The following ANAPC5 variants were observed in gnomAD, a reference collection of about 807,000 sequenced individuals.
ANAPC5 encodes the protein anaphase-promoting complex subunit 5.
In ANAPC5, 60 loss-of-function variants were observed where a neutral mutation model predicts 91.3. The ratio of observed to expected loss-of-function variants is 0.66; its 90% CI spans 0.53 to 0.81. The LOEUF is 0.81. ANAPC5 is among the 40% of genes least tolerant of loss of function. The pLI is 0.00. For synonymous variants in ANAPC5, 340 were observed against 364.1 expected, an observed-to-expected ratio of 0.93 and a Z score of 0.75; for missense variants, 690 against 931.5, an observed-to-expected ratio of 0.74 and a Z score of 3.37.
intron 3 of ANAPC5, chr12:121,346,593 C>T: frequency 3.8e-6 from 1 of 261,532 alleles, no homozygotes; most frequent in Middle Eastern, 1.1e-3. Flanking sequence ...GGCTGGTGAC[C>T]CTCACTTACA....
chr12:121,327,168 C>A lies in ANAPC5; in HGVS notation c.1368G>T (p.Ala456=). ...LSMNSLEAVN[A]GVQQNNTESF... Reference sequence around the variant, plus strand: ...ACTCTGTGTTGTTCTGCTGCACGCCCGCATTCACCGCCTCCAGGCTGTTCA... The same window carrying A: ...ACTCTGTGTTGTTCTGCTGCACGCCAGCATTCACCGCCTCCAGGCTGTTCA... Residue 456 remains alanine, a synonymous_variant, in exon 11 of 17, where the codon GCG becomes GCT. Transcript: ENST00000261819. 1 of 1,613,522 alleles carries A rather than the reference C, an allele frequency of 6.2e-7. No individual in the cohort carries two copies. The highest frequency in any genetic ancestry group is 8.5e-7 in the Non-Finnish European group (1 of 1,179,968).
rs1903928798 is a variant in ANAPC5, at chr12:121,352,346, C to T, written c.-6G>A. On this transcript the variant is annotated 5_prime_UTR_variant, in exon 1 of 17. Coordinates refer to ENST00000261819, the MANE Select transcript of ANAPC5 (RefSeq NM_016237.5). ...CTCTCGTGGACGCTGGCCATGGCGG[C>T]CCGAGACTAAGTCTCGGGCCCGCGG... The T allele has an allele frequency of 6.3e-7, 1 of 1,594,012 alleles. No individual in the cohort carries two copies. Among genetic ancestry groups the T allele is most frequent in the Non-Finnish European group, 8.6e-7 (1 of 1,166,224 alleles).
intron 1 of ANAPC5, chr12:121,350,985 C>T (rs1368022471): frequency 2.6e-6 from 1 of 387,682 alleles, no homozygotes; most frequent in Non-Finnish European, 5.1e-6. Flanking sequence ...GTAACAGTTT[C>T]TACTATTGTT....
Position 121,331,309 on chromosome 12 carries a change from C to G in ANAPC5, c.1032+38G>C. 1.9e-6 allele frequency: 3 copies of G among 1,549,518 alleles called. No individual in the cohort carries two copies. In the South Asian group the frequency reaches 3.5e-5, roughly 18 times the overall value. On this transcript the variant is annotated intron_variant, in intron 8 of 16. Transcript: ENST00000261819. ...GGGGCCTTGTGAAGGCCAATTCAAC[C>G]CGTGAACAAAACTCCCAAGACCAGA...
chr12:121,340,514 C>A (rs182891017), intron 5 of ANAPC5, among the ~76,000 whole-genome samples: 35 of 151,852 alleles, frequency 2.3e-4, no homozygotes, highest in African/African-American at 8.0e-4. Flanking sequence ...GTTTGAAATT[C>A]ATCTGCAGAG....
intron 5 of ANAPC5, among the ~76,000 whole-genome samples, chr12:121,339,907 G>A (rs1210815405): frequency 1.6e-5 from 2 of 123,668 alleles, no homozygotes; most frequent in East Asian, 2.2e-4. Flanking sequence ...ATGGAGTGTC[G>A]TTCTTGTGGC....
At chr12:121,310,933 C>CAAAA (rs35742192) in intron 15 of ANAPC5, among the ~76,000 whole-genome samples, 30 of 61,058 alleles carry the variant, frequency 4.9e-4, no homozygotes, top group African/African-American at 8.7e-4. Flanking sequence ...GACTCCATCT[C>CAAAA]AAAAAAAAAA....
chr12:121,346,018 A>G lies in ANAPC5; in HGVS notation c.411T>C (p.Arg137=), dbSNP rs782352375. 35 of 1,604,574 alleles carry G rather than the reference A, an allele frequency of 2.2e-5. No individual in the cohort carries two copies. The highest frequency in any genetic ancestry group is 2.6e-5 in the Non-Finnish European group (31 of 1,176,810). Residue 137 remains arginine (R), a synonymous_variant, in exon 4 of 17, where the codon CGT becomes CGC. Transcript: ENST00000261819. ...GCTTACTGTAGGCCAAGATCATGTG[A>G]CGCAGAAACAAACCTACAAAATAAG... is the stretch of plus-strand genomic sequence containing the variant. ...HKTSVVGLFL[R]HMILAYSKLS... is the part of the protein sequence containing the mutation.
chr12:121,345,787 G>A (rs1903644201), intron 4 of ANAPC5, 52 bp downstream of exon 4: 4 of 1,542,310 alleles, frequency 2.6e-6, no homozygotes, highest in Non-Finnish European at 2.7e-6. Flanking sequence ...TATTGCACTT[G>A]AAATTATACT....
intron 15 of ANAPC5, chr12:121,317,855 A>T: frequency 1.3e-5 from 2 of 152,752 alleles, no homozygotes; most frequent in Non-Finnish European, 2.9e-5. Context: ...ATGAAGAGTC[A>T]ATTCCTTCAT....
Position 121,320,085 on chromosome 12 carries a change from T to C in ANAPC5, c.1516-267A>G, listed in dbSNP as rs370901184. Among the ~76,000 whole-genome samples, 5 of 152,328 alleles carry C rather than the reference T, an allele frequency of 3.3e-5. No homozygotes were observed. In the East Asian group the frequency reaches 5.8e-4, roughly 18 times the overall value. On this transcript the variant is annotated intron_variant, in intron 12 of 16. Coordinates refer to ENST00000261819, the MANE Select transcript of ANAPC5 (RefSeq NM_016237.5). ...CATATACTATTAGATACCAATGAAG[T>C]CCTTTGCAAATTCTACGTCTCTTTC...
chr12:121,338,723 C>T (rs1380551034), intron 5 of ANAPC5, among the ~76,000 whole-genome samples: 2 of 151,734 alleles, frequency 1.3e-5, no homozygotes, highest in African/African-American at 4.9e-5. Context: ...AGAAATAACG[C>T]TATTAATACT....
At chr12:121,346,832 A>G in intron 3 of ANAPC5, 64 bp downstream of exon 3, 1 of 976,476 alleles carries the variant, frequency 1.0e-6, no homozygotes, top group Non-Finnish European at 1.5e-6. Context: ...AATGATAGAC[A>G]TGACTTAGAA....
Position 121,337,144 on chromosome 12 carries a change from G to A in ANAPC5, c.759+147C>T, listed in dbSNP as rs1340718033. 4.5e-5 allele frequency: 25 copies of A among 560,286 alleles called. No homozygotes were observed. The East Asian group carries it at 5.3e-4, about 12-fold the overall frequency. 34.7% of individuals were successfully genotyped at this position (560,286 alleles called of 1,614,324 possible). On this transcript the variant is annotated intron_variant, in intron 6 of 16. Transcript: ENST00000261819. ...GAGGCAGGAGAATCACTTGAACCAG[G>A]GAGTCGGAGGTTGCAGTGAGCCAAG...
At chr12:121,349,592 T>A (rs1903806506) in intron 1 of ANAPC5, among the ~76,000 whole-genome samples, 1 of 151,076 alleles carries the variant, frequency 6.6e-6, no homozygotes, top group Admixed American at 6.6e-5. Flanking sequence ...AAAATAAATT[T>A]AAAAATAAAA....
At chr12:121,335,998 G>A (rs1340493728) in intron 6 of ANAPC5, among the ~76,000 whole-genome samples, 3 of 152,204 alleles carry the variant, frequency 2.0e-5, no homozygotes, top group East Asian at 3.8e-4. Context: ...GGTTACATGA[G>A]TGATAGATGA....
chr12:121,322,422 T>C (rs956503090), intron 11 of ANAPC5, among the ~76,000 whole-genome samples: 3 of 150,454 alleles, frequency 2.0e-5, no homozygotes, highest in Non-Finnish European at 4.4e-5. Context: ...GCCCCCCAAA[T>C]TGCTGGGATT....
chr12:121,351,218 A>G, intron 1 of ANAPC5: 2 of 363,548 alleles, frequency 5.5e-6, no homozygotes, highest in Non-Finnish European at 1.1e-5. Context: ...AAAAAATGCA[A>G]AAAAATTAGC....
intron 15 of ANAPC5, among the ~76,000 whole-genome samples, chr12:121,311,866 T>C (rs1902178310): frequency 6.6e-6 from 1 of 151,964 alleles, no homozygotes; most frequent in Non-Finnish European, 1.5e-5. Context: ...ACCACAATAA[T>C]AGTTGGGGAG....
Sources: gnomAD v4.1 joint callset for allele counts (sites outside exome capture counted in the v4.1 genomes callset) on GRCh38, gnomAD v4.1.1 for gene constraint, MANE v1.5 for transcripts, NCBI Gene and HGNC (gene_info 2026-07-23, HGNC 2026-07-21) for gene names.